The following ITPR2 variants were observed in gnomAD, a reference collection of about 807,000 sequenced individuals.
ITPR2 encodes the protein inositol 1,4,5-trisphosphate-gated calcium channel ITPR2.
In ITPR2, 207 loss-of-function variants were observed where a neutral mutation model predicts 317.1. The observed-to-expected ratio is 0.65, with a 90% confidence interval of 0.58 to 0.73. ITPR2 has a LOEUF of 0.73. ITPR2 is among the 30% of genes least tolerant of loss of function. ITPR2 has a pLI of 0.00. For missense variants in ITPR2, 2,613 were observed against 3,284.0 expected (o/e 0.80, Z 4.99); for synonymous variants, 1,156 against 1,149.1 (o/e 1.01, Z -0.12).
intron 55 of ITPR2, among the ~76,000 whole-genome samples, chr12:26,364,459 C>CA (rs1460133041): frequency 6.6e-6 from 1 of 152,154 alleles, no homozygotes; most frequent in Non-Finnish European, 1.5e-5. Flanking sequence ...AGATACTAGT[C>CA]AGTGTTTCCC....
chr12:26,594,229 C>G (rs1435011809), intron 32 of ITPR2, among the ~76,000 whole-genome samples: 1 of 152,122 alleles, frequency 6.6e-6, no homozygotes, highest in Non-Finnish European at 1.5e-5. Context: ...AAAACAGGAA[C>G]TACCTCACTC....
At chr12:26,610,762 T>C (rs1324734392) in intron 26 of ITPR2, among the ~76,000 whole-genome samples, 1 of 152,194 alleles carries the variant, frequency 6.6e-6, no homozygotes, top group East Asian at 1.9e-4. Context: ...TAGTGAGGAA[T>C]AGCATCCCTC....
At chr12:26,568,183 A>T in intron 34 of ITPR2, among the ~76,000 whole-genome samples, 1 of 151,006 alleles carries the variant, frequency 6.6e-6, no homozygotes. Flanking sequence ...CTTTAATACA[A>T]AGGGTCACTT....
intron 55 of ITPR2, among the ~76,000 whole-genome samples, chr12:26,381,382 A>G (rs1939505388): frequency 6.6e-6 from 1 of 152,220 alleles, no homozygotes; most frequent in South Asian, 2.1e-4. Context: ...TTATTTATTC[A>G]TTCAATAAAT....
chr12:26,768,869 C>T lies in ITPR2; in HGVS notation c.163+21288G>A, dbSNP rs78738206. Among the ~76,000 whole-genome samples, 840 of 152,160 alleles carry T rather than the reference C, an allele frequency of 5.5e-3. 2 individuals are homozygous for T. The highest frequency in any genetic ancestry group is 9.9e-3 in the Non-Finnish European group (675 of 67,996). On this transcript the variant is annotated intron_variant, in intron 2 of 56. Coordinates refer to ENST00000381340, the MANE Select transcript of ITPR2 (RefSeq NM_002223.4). ...TGAAGCTTCTGCCCTTTCAAAAATG[C>T]TAGTAAAAACCATTTTTAGGGTACT...
intron 2 of ITPR2, among the ~76,000 whole-genome samples, chr12:26,755,404 A>G (rs752326397): frequency 6.6e-6 from 1 of 152,262 alleles, no homozygotes; most frequent in African/African-American, 2.4e-5. Context: ...GTTCATGAAT[A>G]TCAAGCAAAA....
At chr12:26,716,875 T>G (rs912360003) in intron 5 of ITPR2, among the ~76,000 whole-genome samples, 1 of 152,202 alleles carries the variant, frequency 6.6e-6, no homozygotes, top group African/African-American at 2.4e-5. Flanking sequence ...TGTTCATTTT[T>G]AAATAAAAAC....
At chr12:26,811,385 C>A (rs1225165653) in intron 1 of ITPR2, among the ~76,000 whole-genome samples, 2 of 151,452 alleles carry the variant, frequency 1.3e-5, no homozygotes, top group Middle Eastern at 3.5e-3. Context: ...CTGAGGCAGG[C>A]GGATCACGAG....
intron 29 of ITPR2, among the ~76,000 whole-genome samples, 154 bp downstream of exon 29, chr12:26,599,833 T>C (rs536098335): frequency 1.6e-4 from 23 of 142,578 alleles, no homozygotes; most frequent in Non-Finnish European, 3.1e-4. Flanking sequence ...GTTTCCTTAA[T>C]GAAAAAAAAA....
chr12:26,749,520 T>A (rs1416696337), intron 2 of ITPR2, among the ~76,000 whole-genome samples: 1 of 152,176 alleles, frequency 6.6e-6, no homozygotes, highest in African/African-American at 2.4e-5. Context: ...ATAAATAACA[T>A]TGTTTTCGAG....
chr12:26,652,785 T>C (rs1947285836), intron 21 of ITPR2, among the ~76,000 whole-genome samples: 1 of 152,234 alleles, frequency 6.6e-6, no homozygotes, highest in Non-Finnish European at 1.5e-5. Flanking sequence ...CAGTCATAAC[T>C]GCATTGCAGA....
At chr12:26,794,937 T>C (rs572029049) in intron 1 of ITPR2, among the ~76,000 whole-genome samples, 1 of 152,352 alleles carries the variant, frequency 6.6e-6, no homozygotes, top group East Asian at 1.9e-4. Flanking sequence ...CAAGTATACA[T>C]GCATGGTAAA....
chr12:26,497,147 T>TTC (rs1464940302), intron 37 of ITPR2, among the ~76,000 whole-genome samples: 4 of 147,334 alleles, frequency 2.7e-5, no homozygotes, highest in African/African-American at 1.0e-4. Flanking sequence ...ATGTGATCAT[T>TTC]TCTCTCTCTT....
intron 32 of ITPR2, among the ~76,000 whole-genome samples, chr12:26,589,421 C>G (rs1229429324): frequency 6.6e-6 from 1 of 152,016 alleles, no homozygotes; most frequent in Non-Finnish European, 1.5e-5. Context: ...TCCAGAAACA[C>G]AAGAGAAGAA....
In ITPR2 at chr12:26,795,461, AG is replaced by A. The variant is rs370763051; in HGVS notation, c.93-5235del. Among the ~76,000 whole-genome samples the A allele has an allele frequency of 6.7e-4, 102 of 152,338 alleles. 3 individuals carry two copies. In the South Asian group the frequency reaches 0.021, roughly 31 times the overall value. Reference sequence around the variant, plus strand: ...ACTTCCATCCACCTAAGGACAATATAGACAATATAAAGGACAAAACGTAAAA... The same window carrying A: ...ACTTCCATCCACCTAAGGACAATATAACAATATAAAGGACAAAACGTAAAA... On this transcript the variant is annotated intron_variant, in intron 1 of 56. Transcript: ENST00000381340.
At chr12:26,504,657 C>A (rs923807649) in intron 37 of ITPR2, among the ~76,000 whole-genome samples, 5 of 152,278 alleles carry the variant, frequency 3.3e-5, no homozygotes, top group African/African-American at 1.2e-4. Flanking sequence ...GGTACAACTA[C>A]TTTGGAAATC....
At chr12:26,664,094 A>G (rs1414246731) in intron 14 of ITPR2, among the ~76,000 whole-genome samples, 1 of 152,236 alleles carries the variant, frequency 6.6e-6, no homozygotes, top group African/African-American at 2.4e-5. Flanking sequence ...TTGTTTAGAA[A>G]TCATATTTTA....
intron 45 of ITPR2, among the ~76,000 whole-genome samples, chr12:26,461,627 A>AATATATATATAT (rs754482854): frequency 4.1e-5 from 2 of 48,728 alleles, no homozygotes; most frequent in Admixed American, 2.4e-4. Flanking sequence ...AAAGCATATA[A>AATATATATATAT]ATATATATAT....
At chr12:26,644,196 G>A (rs1419682470) in intron 21 of ITPR2, among the ~76,000 whole-genome samples, 4 of 152,172 alleles carry the variant, frequency 2.6e-5, no homozygotes, top group Non-Finnish European at 5.9e-5. Flanking sequence ...CACATCATGA[G>A]CTTCACTTTC....
Sources: gnomAD v4.1 joint callset for allele counts (sites outside exome capture counted in the v4.1 genomes callset) on GRCh38, gnomAD v4.1.1 for gene constraint, MANE v1.5 for transcripts, NCBI Gene and HGNC (gene_info 2026-07-23, HGNC 2026-07-21) for gene names.